The following RAB3C variants were observed in gnomAD, a reference collection of about 807,000 sequenced individuals.
The protein encoded by RAB3C is ras-related protein Rab-3C.
Under a neutral mutation model 26.4 loss-of-function variants are expected in RAB3C, and 17 were observed. The observed-to-expected ratio is 0.64, with a 90% CI of 0.44 to 0.97. The LOEUF is 0.97. Among genes scored for constraint, RAB3C ranks in the 50% least tolerant of loss-of-function variants. RAB3C has a pLI of 0.00. For synonymous variants in RAB3C, 91 were observed against 95.9 expected (o/e 0.95, Z 0.30); for missense variants, 242 against 281.9 (o/e 0.86, Z 1.01).
intron 1 of RAB3C, among the ~76,000 whole-genome samples, chr5:58,601,936 A>G (rs1166986292): frequency 2.0e-5 from 3 of 151,654 alleles, no homozygotes; most frequent in Admixed American, 2.0e-4. Flanking sequence ...TTGAGGTGCA[A>G]CCTTAGACTG....
chr5:58,717,522 C>A (rs78304335), intron 2 of RAB3C, among the ~76,000 whole-genome samples: 7 of 152,194 alleles, frequency 4.6e-5, no homozygotes, highest in South Asian at 2.1e-4. Context: ...CTTCAGGGAG[C>A]CTGTTAGGGC....
chr5:58,745,322 C>T (rs1402232228), intron 3 of RAB3C, among the ~76,000 whole-genome samples: 2 of 135,996 alleles, frequency 1.5e-5, no homozygotes, highest in East Asian at 2.6e-4. Flanking sequence ...GGTGTGAACC[C>T]GGGAGGCAGA....
At chr5:58,649,359 T>C (rs1747594573) in intron 2 of RAB3C, among the ~76,000 whole-genome samples, 1 of 152,040 alleles carries the variant, frequency 6.6e-6, no homozygotes, top group Non-Finnish European at 1.5e-5. Context: ...GCAAGCTCCA[T>C]TTTCCAAACT....
intron 2 of RAB3C, among the ~76,000 whole-genome samples, chr5:58,697,054 G>A (rs952475179): frequency 6.6e-6 from 1 of 152,074 alleles, no homozygotes; most frequent in Admixed American, 6.6e-5. Flanking sequence ...TCTCTTGTGG[G>A]CATTTAGTGC....
chr5:58,780,389 G>A (rs529605173), intron 3 of RAB3C, among the ~76,000 whole-genome samples: 2 of 152,202 alleles, frequency 1.3e-5, no homozygotes, highest in African/African-American at 2.4e-5. Flanking sequence ...GGAGTGGCCC[G>A]GGGCTTAATA....
intron 2 of RAB3C, among the ~76,000 whole-genome samples, chr5:58,671,466 C>T (rs968422328): frequency 6.6e-6 from 1 of 152,142 alleles, no homozygotes; most frequent in African/African-American, 2.4e-5. Flanking sequence ...CTTACATCAA[C>T]TTGCGTATTT....
intron 2 of RAB3C, among the ~76,000 whole-genome samples, chr5:58,628,405 A>G (rs1339768457): frequency 6.6e-6 from 1 of 152,028 alleles, no homozygotes; most frequent in Non-Finnish European, 1.5e-5. Flanking sequence ...AGTCATTACC[A>G]CCCCCTTGGA....
At chr5:58,648,156 C>G (rs561622228) in intron 2 of RAB3C, among the ~76,000 whole-genome samples, 56 of 152,178 alleles carry the variant, frequency 3.7e-4, no homozygotes, top group African/African-American at 1.3e-3. Flanking sequence ...AAATAAAGTC[C>G]ACTGGTTCAT....
chr5:58,636,274 C>T (rs906192414), intron 2 of RAB3C, among the ~76,000 whole-genome samples: 4 of 152,212 alleles, frequency 2.6e-5, no homozygotes, highest in African/African-American at 9.6e-5. Context: ...TATCCCAGCT[C>T]TCTAGTAGAT....
chr5:58,621,226 G>T (rs992411139), intron 2 of RAB3C, among the ~76,000 whole-genome samples: 1 of 152,186 alleles, frequency 6.6e-6, no homozygotes, highest in African/African-American at 2.4e-5. Flanking sequence ...GCCATCGTGG[G>T]TTGAAACACT....
intron 2 of RAB3C, among the ~76,000 whole-genome samples, chr5:58,644,623 T>A (rs1747478701): frequency 6.6e-6 from 1 of 152,222 alleles, no homozygotes; most frequent in South Asian, 2.1e-4. Context: ...ATTAAGATTT[T>A]GGAGCTATAA....
intron 2 of RAB3C, among the ~76,000 whole-genome samples, chr5:58,619,623 A>G (rs1746894088): frequency 6.6e-6 from 1 of 152,126 alleles, no homozygotes; most frequent in African/African-American, 2.4e-5. Flanking sequence ...TGTCATAGAG[A>G]TAATTAAAAA....
chr5:58,622,288 C>T (rs1288485922), intron 2 of RAB3C, among the ~76,000 whole-genome samples: 2 of 152,000 alleles, frequency 1.3e-5, no homozygotes, highest in Admixed American at 1.3e-4. Context: ...GGAGTGTGTG[C>T]TCTGGATTGG....
intron 2 of RAB3C, among the ~76,000 whole-genome samples, chr5:58,712,807 A>C (rs941304500): frequency 1.3e-5 from 2 of 152,122 alleles, no homozygotes; most frequent in African/African-American, 4.8e-5. Flanking sequence ...TTATAGGCAT[A>C]AGCCACCATG....
At chr5:58,755,751 T>A (rs1321054321) in intron 3 of RAB3C, among the ~76,000 whole-genome samples, 2 of 152,178 alleles carry the variant, frequency 1.3e-5, no homozygotes, top group Admixed American at 6.5e-5. Context: ...CCCAAAGAAC[T>A]GGTAAGTGTG....
chr5:58,606,538 G>A (rs1198684056), intron 1 of RAB3C, among the ~76,000 whole-genome samples: 2 of 152,196 alleles, frequency 1.3e-5, no homozygotes, highest in Non-Finnish European at 2.9e-5. Context: ...GAAGAGAGCA[G>A]TGGTTCTCCC....
intron 4 of RAB3C, among the ~76,000 whole-genome samples, chr5:58,850,388 G>A (rs1744089069): frequency 6.6e-6 from 1 of 152,228 alleles, no homozygotes; most frequent in Admixed American, 6.5e-5. Context: ...GATAGGTGCA[G>A]AGGTATACAA....
At chr5:58,648,017 C>A (rs1448442284) in intron 2 of RAB3C, among the ~76,000 whole-genome samples, 1 of 152,128 alleles carries the variant, frequency 6.6e-6, no homozygotes, top group Non-Finnish European at 1.5e-5. Flanking sequence ...ATAAAAACCA[C>A]AGTTTTTATC....
chr5:58,833,519 C>T (rs1359537108), intron 4 of RAB3C, among the ~76,000 whole-genome samples: 1 of 152,020 alleles, frequency 6.6e-6, no homozygotes, highest in Non-Finnish European at 1.5e-5. Context: ...CAGACCTAAA[C>T]CAAGCAGTGG....
Sources: allele counts gnomAD v4.1 joint callset (sites outside exome capture counted in the v4.1 genomes callset), GRCh38; gene constraint gnomAD v4.1.1; transcripts MANE v1.5; gene names NCBI Gene and HGNC (gene_info 2026-07-23, HGNC 2026-07-21).